DLGAP3: variants seen among roughly 807,000 people sequenced by gnomAD.
DLGAP3 encodes the protein disks large-associated protein 3.
Under a neutral mutation model 81.2 loss-of-function variants are expected in DLGAP3, and 17 were observed. The observed-to-expected ratio is 0.21, with a 90% CI of 0.14 to 0.31. The LOEUF (loss-of-function observed/expected upper bound fraction) is 0.31. DLGAP3 is among the 10% of genes least tolerant of loss of function. The pLI, the probability that DLGAP3 is intolerant of heterozygous loss-of-function variation, is 1.00. For missense variants in DLGAP3, 1,124 were observed against 1,388.0 expected, an observed-to-expected ratio of 0.81 and a Z score of 3.02; for synonymous variants, 577 against 587.4, an observed-to-expected ratio of 0.98 and a Z score of 0.26.
intron 8 of DLGAP3, among the ~76,000 whole-genome samples, chr1:34,876,327 C>T (rs1557460044): frequency 6.6e-6 from 1 of 152,154 alleles, no homozygotes; most frequent in Non-Finnish European, 1.5e-5. Context: ...CAGGGAACAC[C>T]CTGAAAGGCA....
At chr1:34,885,392 T>C (rs1639204582) in intron 7 of DLGAP3, 86 bp downstream of exon 7, 4 of 1,408,474 alleles carry the variant, frequency 2.8e-6, no homozygotes, top group Admixed American at 3.8e-5. Flanking sequence ...AGAATGTCGA[T>C]ATATCCAGAA....
intron 5 of DLGAP3, among the ~76,000 whole-genome samples, chr1:34,894,094 G>A (rs1431687993): frequency 6.6e-6 from 1 of 152,080 alleles, no homozygotes; most frequent in Non-Finnish European, 1.5e-5. Flanking sequence ...GAACTGAGGT[G>A]GGAGGATTGA....
At chr1:34,921,854 C>T (rs1310725756) in intron 1 of DLGAP3, among the ~76,000 whole-genome samples, 2 of 152,126 alleles carry the variant, frequency 1.3e-5, no homozygotes, top group Non-Finnish European at 2.9e-5. Context: ...GACAAATCCC[C>T]GTGTTGGTAT....
chr1:34,903,477 C>G (rs1056890880), intron 3 of DLGAP3, among the ~76,000 whole-genome samples: 1 of 152,222 alleles, frequency 6.6e-6, no homozygotes, highest in African/African-American at 2.4e-5. Context: ...GACTTTTTCT[C>G]CTAAAATTAC....
intron 1 of DLGAP3, among the ~76,000 whole-genome samples, chr1:34,922,975 G>T (rs1639817526): frequency 6.6e-6 from 1 of 151,532 alleles, no homozygotes; most frequent in African/African-American, 2.4e-5. Flanking sequence ...TTTTAAAAGG[G>T]CCCTGTCATG....
chr1:34,899,810 C>T (rs927381708), intron 4 of DLGAP3, 69 bp from the exon 5 acceptor site: 38 of 1,473,832 alleles, frequency 2.6e-5, no homozygotes, highest in Non-Finnish European at 3.6e-5. Flanking sequence ...GAGATAATAG[C>T]ACTGGGGCCC....
In DLGAP3 at chr1:34,900,329, AGGACTCT is replaced by A; in HGVS notation, c.1108-63_1108-57del. On this transcript the variant is annotated intron_variant, in intron 3 of 11. Transcript: ENST00000373347. The surrounding 1 kb of genome is among the most constrained non-coding windows in gnomAD (Gnocchi z 5.6). Reference sequence around the variant, plus strand: ...CATGACCCTAGTAAATCTAGAGGCCAGGACTCTTTCCCCACTGCCAGTGGGAGATGCC... The same window carrying A: ...CATGACCCTAGTAAATCTAGAGGCCATTCCCCACTGCCAGTGGGAGATGCC... The A allele has an allele frequency of 6.4e-7, 1 of 1,571,392 alleles. No homozygotes were observed. The highest frequency in any genetic ancestry group is 1.3e-5 in the African/African-American group (1 of 74,418).
In DLGAP3 at chr1:34,905,431, C is replaced by T. The variant is rs1416851706; in HGVS notation, c.-48G>A. ...AGTCTTGGGGGCCAGGCCCCAGGAA[C>T]CTCCTGGAAAAATAGGGAGAAAAGG... On this transcript the variant is annotated 5_prime_UTR_variant, in exon 3 of 12. Transcript: ENST00000373347. The T allele has an allele frequency of 5.3e-6, 8 of 1,511,050 alleles. No individual in the cohort carries two copies. Among genetic ancestry groups the T allele is most frequent in the Non-Finnish European group, 7.1e-6 (8 of 1,127,848 alleles). 93.6% of individuals were successfully genotyped at this position (1,511,050 alleles called of 1,614,324 possible). A position where few individuals can be genotyped will look rare whatever the true frequency, so the allele number is the denominator to read the frequency against.
At chr1:34,919,591 C>A (rs975541316) in intron 1 of DLGAP3, among the ~76,000 whole-genome samples, 2 of 152,100 alleles carry the variant, frequency 1.3e-5, no homozygotes, top group African/African-American at 4.8e-5. Context: ...CCAGCCTGGC[C>A]AACATGGTGA....
chr1:34,879,329 G>C (rs1639108682), intron 8 of DLGAP3, among the ~76,000 whole-genome samples: 1 of 152,114 alleles, frequency 6.6e-6, no homozygotes, highest in Admixed American at 6.6e-5. Context: ...TTCTCATAAG[G>C]AGCACACAAC....
intron 3 of DLGAP3, among the ~76,000 whole-genome samples, chr1:34,903,929 C>T (rs1160350461): frequency 6.6e-6 from 1 of 152,216 alleles, no homozygotes; most frequent in African/African-American, 2.4e-5. Flanking sequence ...AGAGCAGCTA[C>T]AACTAAGGTG....
chr1:34,928,460 C>A (rs545640780), intron 1 of DLGAP3, among the ~76,000 whole-genome samples: 3 of 152,152 alleles, frequency 2.0e-5, no homozygotes, highest in Middle Eastern at 6.8e-3. Context: ...AGGAAGGACA[C>A]GACCAGCAAC....
rs1639432429 is a variant in DLGAP3 at position 34,900,108 on chromosome 1, T to C, written c.1273A>G (p.Thr425Ala). Reference sequence around the variant, plus strand: ...TCCACGCTGGAGGAGCGACGGGTGGTGAAGCGTCGGGCGACTGCTTTGGGA... The same window carrying C: ...TCCACGCTGGAGGAGCGACGGGTGGCGAAGCGTCGGGCGACTGCTTTGGGA... ...TSPKAVARRF[T>A]TRRSSSVDQA... The change falls in exon 4 of 12, where the codon ACC becomes GCC. Residue 425 changes from threonine (T) to alanine (A), a missense_variant. Thr to Ala is a moderately conservative substitution (Grantham distance 58, BLOSUM62 0). This residue lies in a region of DLGAP3 where 357 missense variants were observed against 408.8 expected (regional missense o/e 0.87). Transcript: ENST00000373347. This position sits in a 1 kb window ranked among gnomAD's most constrained non-coding sequence, Gnocchi z 5.6. 6.2e-7 allele frequency: 1 copy of C among 1,613,850 alleles called. No individual in the cohort carries two copies. The highest frequency in any genetic ancestry group is 2.2e-5 in the East Asian group (1 of 44,880).
In DLGAP3 at chr1:34,902,117, C is replaced by T. The variant is rs1012178479; in HGVS notation, c.1108-1844G>A. 6.6e-6 allele frequency among the ~76,000 whole-genome samples: 1 copy of T among 151,686 alleles called. No individual in the cohort carries two copies. The highest frequency in any genetic ancestry group is 2.4e-5 in the African/African-American group (1 of 41,248). On this transcript the variant is annotated intron_variant, in intron 3 of 11. Coordinates refer to ENST00000373347, the MANE Select transcript of DLGAP3 (RefSeq NM_001080418.3). This position sits in a 1 kb window ranked among gnomAD's most constrained non-coding sequence, Gnocchi z 4.4. ...AGCTGAGGGAGTCCGTGATGTCAGC[C>T]TACACTTCGGAAAATGAGGTGTAAG... is the stretch of plus-strand genomic sequence containing the variant.
intron 8 of DLGAP3, among the ~76,000 whole-genome samples, chr1:34,880,855 GA>G (rs906821158): frequency 4.0e-5 from 6 of 151,564 alleles, no homozygotes; most frequent in Non-Finnish European, 5.9e-5. Flanking sequence ...AATGATTCAA[GA>G]AAAAAAATAA....
rs75651096 is a variant in DLGAP3 at position 34,889,230 on chromosome 1, C to G, written c.1387-2945G>C. 5.9e-3 allele frequency among the ~76,000 whole-genome samples: 902 copies of G among 152,306 alleles called. 7 individuals are homozygous for G. Among genetic ancestry groups the G allele is most frequent in the African/African-American group, 0.021 (865 of 41,548 alleles). On this transcript the variant is annotated intron_variant, in intron 5 of 11. Transcript: ENST00000373347. ...AGGCAATACTCACAACCAATTCTAT[C>G]CAAGGCAGACAAAAGAAGGTGAACA...
intron 5 of DLGAP3, among the ~76,000 whole-genome samples, chr1:34,889,277 G>C (rs552426993): frequency 1.3e-5 from 2 of 152,294 alleles, no homozygotes; most frequent in East Asian, 1.9e-4. Flanking sequence ...TCATACACCC[G>C]CCAGCTCAGC....
At chr1:34,903,555 C>G (rs777703478) in intron 3 of DLGAP3, among the ~76,000 whole-genome samples, 1 of 152,192 alleles carries the variant, frequency 6.6e-6, no homozygotes, top group East Asian at 1.9e-4. Flanking sequence ...AAGTAGGAAT[C>G]AGAGTTCCTG....
intron 5 of DLGAP3, among the ~76,000 whole-genome samples, chr1:34,894,629 C>A (rs947327464): frequency 6.6e-6 from 1 of 152,172 alleles, no homozygotes; most frequent in Middle Eastern, 3.2e-3. Context: ...AGAATTCCCA[C>A]AATAAGCTAA....
Sources: allele counts gnomAD v4.1 joint callset (sites outside exome capture counted in the v4.1 genomes callset), GRCh38; gene constraint gnomAD v4.1.1; regional missense constraint gnomAD v4.1.1; non-coding constraint Gnocchi (gnomAD v3.1); transcripts MANE v1.5; gene names NCBI Gene and HGNC (gene_info 2026-07-23, HGNC 2026-07-21).